The following SMOC2 variants were observed in gnomAD, a reference collection of about 807,000 sequenced individuals.
SMOC2 encodes SPARC related modular calcium binding 2.
In SMOC2, 39 loss-of-function variants were observed where a neutral mutation model predicts 61.4. That is an observed-to-expected ratio of 0.64 (90% confidence interval 0.49 to 0.83). The LOEUF is 0.83. Among genes scored for constraint, SMOC2 ranks in the 40% least tolerant of loss-of-function variants. SMOC2 has a pLI of 0.00. For missense variants in SMOC2, 556 were observed against 592.9 expected, an observed-to-expected ratio of 0.94 and a Z score of 0.65; for synonymous variants, 247 against 239.9, an observed-to-expected ratio of 1.03 and a Z score of -0.27.
chr6:168,559,798 A>G (rs1784354182), intron 7 of SMOC2, among the ~76,000 whole-genome samples: 1 of 152,154 alleles, frequency 6.6e-6, no homozygotes, highest in Non-Finnish European at 1.5e-5. Flanking sequence ...CAGCCCCCCT[A>G]ATATTTTTAC....
At chr6:168,476,321 C>T (rs1782083912) in intron 1 of SMOC2, among the ~76,000 whole-genome samples, 1 of 152,024 alleles carries the variant, frequency 6.6e-6, no homozygotes, top group Non-Finnish European at 1.5e-5. Flanking sequence ...TGATGTCTAA[C>T]CCTATTTGAA....
intron 1 of SMOC2, among the ~76,000 whole-genome samples, chr6:168,497,713 C>T (rs1191380671): frequency 6.6e-6 from 1 of 152,144 alleles, no homozygotes; most frequent in Non-Finnish European, 1.5e-5. Context: ...GAGACAAACT[C>T]GGTTTTCGGG....
chr6:168,589,415 T>C (rs1785121610), intron 7 of SMOC2, among the ~76,000 whole-genome samples: 2 of 152,256 alleles, frequency 1.3e-5, no homozygotes, highest in South Asian at 4.1e-4. Flanking sequence ...ACCACGCAGC[T>C]GCCAGCAATG....
chr6:168,441,355 C>T lies in SMOC2; in HGVS notation c.-16C>T. 2 of 1,500,632 alleles carry T rather than the reference C, an allele frequency of 1.3e-6. No individual in the cohort carries two copies. The allele number at this position is 1,500,632 out of a possible 1,614,324, so 93.0% of individuals were successfully genotyped here. On this transcript the variant is annotated 5_prime_UTR_variant, in exon 1 of 13. Transcript: ENST00000356284. ...CAGGACGCGGCCGATCTCCCGCTCC[C>T]GCCACCTCCGCCACCATGCTGCTCC...
At chr6:168,587,631 A>G (rs558377951) in intron 7 of SMOC2, among the ~76,000 whole-genome samples, 3 of 152,334 alleles carry the variant, frequency 2.0e-5, no homozygotes, top group Non-Finnish European at 4.4e-5. Flanking sequence ...CAGTGAAGCA[A>G]TAGGGTGGAG....
At position 168,509,905 on chromosome 6, in the gene SMOC2, C is replaced by G. The variant is rs753801341; in HGVS notation, c.85-10C>G. The G allele has an allele frequency of 6.4e-7, 1 of 1,571,204 alleles. No homozygotes were observed. The highest frequency in any genetic ancestry group is 1.8e-5 in the Admixed American group (1 of 55,838). On this transcript the variant is annotated splice_polypyrimidine_tract_variant and intron_variant, in intron 1 of 12. Transcript: ENST00000356284. Reference sequence around the variant, plus strand: ...TTAAATTTGTCTGGCTTCTTTTTTTCTCCTTTAAGTTTTTGAGAGTGGATC... The same window carrying G: ...TTAAATTTGTCTGGCTTCTTTTTTTGTCCTTTAAGTTTTTGAGAGTGGATC...
At chr6:168,656,523 A>AG (rs1787327187) in intron 11 of SMOC2, among the ~76,000 whole-genome samples, 1 of 145,600 alleles carries the variant, frequency 6.9e-6, no homozygotes, top group African/African-American at 2.5e-5. Flanking sequence ...AAAAAAAAAA[A>AG]AAAAAAAGAA....
At chr6:168,516,895 AGTGAGCCCAGATCGTGCCATTGCATTCC>A (rs1783150145) in intron 2 of SMOC2, among the ~76,000 whole-genome samples, 2 of 152,184 alleles carry the variant, frequency 1.3e-5, no homozygotes, top group African/African-American at 4.8e-5. Context: ...TGGAGGTTGC[AGTGAGCCCAGATCGTGCCATTGCATTCC>A]AGCCTGGCGA....
chr6:168,464,202 AGAGG>A (rs1562541603), intron 1 of SMOC2, among the ~76,000 whole-genome samples: 19 of 149,350 alleles, frequency 1.3e-4, no homozygotes, highest in African/African-American at 3.9e-4. Context: ...AAAAAAAAAA[AGAGG>A]AAGGAAGAAA....
At chr6:168,638,102 A>C in intron 9 of SMOC2, among the ~76,000 whole-genome samples, 1 of 144,294 alleles carries the variant, frequency 6.9e-6, no homozygotes. Flanking sequence ...CCCAGGAAGC[A>C]TTTCCTCTCC....
intron 1 of SMOC2, among the ~76,000 whole-genome samples, chr6:168,493,575 C>G (rs748376971): frequency 6.6e-6 from 1 of 152,040 alleles, no homozygotes; most frequent in Non-Finnish European, 1.5e-5. Context: ...GTACAAAGGC[C>G]AAGATATCTT....
Position 168,543,618 on chromosome 6 carries a change from C to CT in SMOC2, c.464-3dup. The CT allele has an allele frequency of 6.2e-7, 1 of 1,613,244 alleles. No individual in the cohort carries two copies. The highest frequency in any genetic ancestry group is 8.5e-7 in the Non-Finnish European group (1 of 1,179,362). On this transcript the variant is annotated splice_polypyrimidine_tract_variant and splice_region_variant and intron_variant, in intron 4 of 12. Coordinates refer to ENST00000356284, the MANE Select transcript of SMOC2 (RefSeq NM_001166412.2). ...ATTTCATTTCACTCCTTATTTTCCT[C>CT]TTTTAGGTTCCGTAAATGAAAAGTT...
chr6:168,662,800 GA>G (rs1211885738), intron 11 of SMOC2, among the ~76,000 whole-genome samples: 1 of 152,206 alleles, frequency 6.6e-6, no homozygotes, highest in African/African-American at 2.4e-5. Flanking sequence ...TGTAGAGCCT[GA>G]GGGATTTGCT....
At chr6:168,490,564 T>C (rs1478595224) in intron 1 of SMOC2, among the ~76,000 whole-genome samples, 1 of 152,140 alleles carries the variant, frequency 6.6e-6, no homozygotes, top group Non-Finnish European at 1.5e-5. Context: ...ATTTCAGGAT[T>C]TAGCCTTGAT....
chr6:168,529,537 C>T (rs1167966738), intron 4 of SMOC2, among the ~76,000 whole-genome samples: 2 of 152,198 alleles, frequency 1.3e-5, no homozygotes, highest in African/African-American at 4.8e-5. Context: ...TACGGAAAAA[C>T]TCTCTTAATC....
intron 1 of SMOC2, among the ~76,000 whole-genome samples, chr6:168,461,312 TG>T (rs1781714894): frequency 6.6e-6 from 1 of 152,182 alleles, no homozygotes; most frequent in Admixed American, 6.5e-5. Context: ...GTGGGAATTA[TG>T]GGGGCTACAA....
At chr6:168,508,111 C>A (rs1782917858) in intron 1 of SMOC2, among the ~76,000 whole-genome samples, 2 of 152,226 alleles carry the variant, frequency 1.3e-5, no homozygotes, top group Admixed American at 1.3e-4. Flanking sequence ...CCGGCCCCTA[C>A]AGCATCTTGT....
At chr6:168,625,188 C>T (rs1217724698) in intron 9 of SMOC2, among the ~76,000 whole-genome samples, 2 of 152,228 alleles carry the variant, frequency 1.3e-5, no homozygotes, top group Non-Finnish European at 2.9e-5. Flanking sequence ...GCATGTGGGG[C>T]ACGTGGGTCG....
intron 9 of SMOC2, among the ~76,000 whole-genome samples, chr6:168,609,715 A>G (rs1785805081): frequency 6.6e-6 from 1 of 152,254 alleles, no homozygotes. Flanking sequence ...AAAGCCCTCA[A>G]TAAATGTTTC....
Sources: gnomAD v4.1 joint callset for allele counts (sites outside exome capture counted in the v4.1 genomes callset) on GRCh38, gnomAD v4.1.1 for gene constraint, MANE v1.5 for transcripts, NCBI Gene and HGNC (gene_info 2026-07-23, HGNC 2026-07-21) for gene names.